The following SLA variants were observed in gnomAD, a reference collection of about 807,000 sequenced individuals.
SLA encodes Src like adaptor, also known as src-like-adapter.
Under a neutral mutation model 30.3 loss-of-function variants are expected in SLA, and 16 were observed. The observed-to-expected ratio is 0.53, with a 90% CI of 0.36 to 0.80. The LOEUF is 0.80. Among genes scored for constraint, SLA ranks in the 30% least tolerant of loss-of-function variants. The pLI, the probability that SLA is intolerant of heterozygous loss-of-function variation, is 0.01. For missense variants in SLA, 310 were observed against 345.2 expected (o/e 0.90, Z 0.81); for synonymous variants, 143 against 137.8 (o/e 1.04, Z -0.26).
chr8:133,075,168 C>T (rs926241817), intron 1 of SLA, 38 bp from the exon 2 acceptor site: 1 of 975,686 alleles, frequency 1.0e-6, no homozygotes, highest in East Asian at 1.1e-4. Flanking sequence ...TTTTACAAAG[C>T]ATTTGAGAAT....
intron 1 of SLA, chr8:133,076,611 A>G (rs1381859080): frequency 6.6e-6 from 1 of 152,194 alleles, no homozygotes; most frequent in Non-Finnish European, 1.5e-5. Context: ...TTAGACTGAT[A>G]GTCAGAGGTA....
intron 1 of SLA, among the ~76,000 whole-genome samples, chr8:133,101,221 A>G (rs1849207564): frequency 6.6e-6 from 1 of 152,166 alleles, no homozygotes; most frequent in Non-Finnish European, 1.5e-5. Flanking sequence ...CCCCACACAG[A>G]ACTGCAAGAG....
At chr8:133,095,213 G>A (rs747285764) in intron 1 of SLA, 3 of 1,614,226 alleles carry the variant, frequency 1.9e-6, no homozygotes, top group Non-Finnish European at 2.5e-6. Flanking sequence ...ACCAAGGTGA[G>A]CACTTAAGTG....
chr8:133,056,620 T>G (rs1456989268), intron 3 of SLA, among the ~76,000 whole-genome samples: 1 of 152,184 alleles, frequency 6.6e-6, no homozygotes, highest in East Asian at 1.9e-4. Context: ...TTAAGCTTCT[T>G]GTACCTCAGA....
intron 1 of SLA, chr8:133,096,431 C>T: frequency 1.3e-6 from 2 of 1,596,298 alleles, no homozygotes; most frequent in East Asian, 2.2e-5. Context: ...GGGCTCTGGA[C>T]CTCAATGTCT....
chr8:133,082,859 A>T (rs1486117856), intron 1 of SLA, among the ~76,000 whole-genome samples: 3 of 152,206 alleles, frequency 2.0e-5, no homozygotes, highest in Non-Finnish European at 4.4e-5. Context: ...TATTGTTATC[A>T]GTTTATGCTG....
intron 3 of SLA, among the ~76,000 whole-genome samples, chr8:133,059,689 T>A (rs755717060): frequency 1.2e-4 from 19 of 152,234 alleles, no homozygotes; most frequent in Middle Eastern, 3.4e-3. Context: ...AGTATAAGGA[T>A]GATATTATAT....
At chr8:133,102,253 A>G (rs1849352246) in intron 1 of SLA, 1 of 309,226 alleles carries the variant, frequency 3.2e-6, no homozygotes, top group Admixed American at 4.9e-5. Flanking sequence ...AGTAAACACA[A>G]ATGCATGCTC....
Position 133,075,054 on chromosome 8 carries a change from G to A in SLA, c.-242C>T, listed in dbSNP as rs536794756. The A allele has an allele frequency of 3.1e-5, 31 of 985,446 alleles. No individual in the cohort carries two copies. The East Asian group carries it at 5.7e-4, about 18-fold the overall frequency. The allele number at this position is 985,446 out of a possible 1,614,324, so 61.0% of individuals were successfully genotyped here. A position where few individuals can be genotyped will look rare whatever the true frequency, so the allele number is the denominator to read the frequency against. On this transcript the variant is annotated 5_prime_UTR_variant, in exon 2 of 9. Transcript: ENST00000338087. ...GCCGCATACTTCCTCTGCTAGGAAC[G>A]AGGAAGGCACAGGGCTTGCAGAAGG...
chr8:133,079,656 T>C (rs576974884), intron 1 of SLA, among the ~76,000 whole-genome samples: 25 of 152,166 alleles, frequency 1.6e-4, no homozygotes, highest in Non-Finnish European at 3.1e-4. Flanking sequence ...TATGAGCAGA[T>C]TTCCATTCCT....
chr8:133,087,076 ACACACACACACACAC>A (rs1429885810), intron 1 of SLA, among the ~76,000 whole-genome samples: 13 of 2,176 alleles, frequency 6.0e-3, no homozygotes, highest in African/African-American at 0.037. Flanking sequence ...ATGTTTACAC[ACACACACACACACAC>A]ACACACACAC....
chr8:133,044,482 C>T (rs569227948), intron 7 of SLA, among the ~76,000 whole-genome samples: 9 of 152,238 alleles, frequency 5.9e-5, no homozygotes, highest in African/African-American at 1.4e-4. Context: ...AACCAGGCCA[C>T]GGGGAAGCAT....
intron 2 of SLA, among the ~76,000 whole-genome samples, chr8:133,067,866 GA>G (rs1463789970): frequency 4.2e-3 from 207 of 49,372 alleles, no homozygotes; most frequent in African/African-American, 0.02. Flanking sequence ...AAGAAAGAAA[GA>G]AAGGAAGGAA....
rs1444691018 is a variant in SLA at position 133,037,205 on chromosome 8, C to G, written c.*1319G>C. On this transcript the variant is annotated 3_prime_UTR_variant, in exon 9 of 9. Coordinates refer to ENST00000338087, the MANE Select transcript of SLA (RefSeq NM_001045556.3). ...AACAGGGAAACATGAGTCACAGATT[C>G]ATCTGCAGCCCACTCTCTTCCTAGT... is the stretch of plus-strand genomic sequence containing the variant. The G allele has an allele frequency of 6.6e-6, 1 of 152,210 alleles. No homozygotes were observed. The highest frequency in any genetic ancestry group is 1.5e-5 in the Non-Finnish European group (1 of 68,042). 9.4% of individuals were successfully genotyped at this position (152,210 alleles called of 1,614,324 possible).
At position 133,038,659 on chromosome 8, in the gene SLA, G is replaced by GCT; in HGVS notation, c.694_695dup (p.Ser232ArgfsTer9). 1 of 1,613,732 alleles carries GCT rather than the reference G, an allele frequency of 6.2e-7. No individual in the cohort carries two copies. Among genetic ancestry groups the GCT allele is most frequent in the Non-Finnish European group, 8.5e-7 (1 of 1,179,664 alleles). On this transcript the variant is annotated frameshift_variant, in exon 9 of 9. Transcript: ENST00000338087. LOFTEE classifies it high-confidence loss of function. The stretch of plus-strand genomic sequence containing the variant: ...TGGTCAGGGACAGGTAAGAGGCAAT[G>GCT]CTCTCTCGAAGGCCATAGCTGAAAA...
Position 133,037,713 on chromosome 8 carries a change from C to T in SLA, c.*811G>A, listed in dbSNP as rs911370743. 4.6e-5 allele frequency: 7 copies of T among 151,534 alleles called. No individual in the cohort carries two copies. The highest frequency in any genetic ancestry group is 1.3e-4 in the Admixed American group (2 of 15,196). The allele number at this position is 151,534 out of a possible 1,614,324, so 9.4% of individuals were successfully genotyped here. On this transcript the variant is annotated 3_prime_UTR_variant, in exon 9 of 9. Transcript: ENST00000338087. Reference sequence around the variant, plus strand: ...TGCCTATTCGGGCAATAAATGAATACTTGATGCATTCATACAGGCAAGAAT... The same window carrying T: ...TGCCTATTCGGGCAATAAATGAATATTTGATGCATTCATACAGGCAAGAAT...
chr8:133,038,849 C>G (rs1314235621), intron 8 of SLA, 112 bp from the exon 9 acceptor site: 2 of 643,554 alleles, frequency 3.1e-6, no homozygotes, highest in African/African-American at 3.7e-5. Flanking sequence ...AACAAAAATC[C>G]TGGTGACTAT....
intron 1 of SLA, chr8:133,096,497 T>A: frequency 8.2e-7 from 1 of 1,225,468 alleles, no homozygotes; most frequent in Non-Finnish European, 1.2e-6. Flanking sequence ...GCAATGCCTA[T>A]GTGAGTTTAG....
At position 133,095,105 on chromosome 8, in the gene SLA, T is replaced by C. The variant is rs772426918; in HGVS notation, c.-319+7448A>G. The C allele has an allele frequency of 3.7e-6, 6 of 1,614,060 alleles. No homozygotes were observed. In the South Asian group the frequency reaches 4.4e-5, roughly 12 times the overall value. ...CATGAGAGGGCTCAGCAGCAGGCAA[T>C]TGCTTTGGCAAAGGAGGTCAGTTGC... On this transcript the variant is annotated intron_variant, in intron 1 of 8. Coordinates refer to ENST00000338087, the MANE Select transcript of SLA (RefSeq NM_001045556.3).
Sources: gnomAD v4.1 joint callset for allele counts (sites outside exome capture counted in the v4.1 genomes callset) on GRCh38, gnomAD v4.1.1 for gene constraint, MANE v1.5 for transcripts, NCBI Gene and HGNC (gene_info 2026-07-23, HGNC 2026-07-21) for gene names.